The following ALOX5 variants were observed in gnomAD, a reference collection of about 807,000 sequenced individuals.
ALOX5 encodes polyunsaturated fatty acid 5-lipoxygenase.
In ALOX5, 64 loss-of-function variants were observed where a neutral mutation model predicts 87.9. That is an observed-to-expected ratio of 0.73 (90% CI 0.60 to 0.90). The LOEUF (loss-of-function observed/expected upper bound fraction) is 0.90, where lower values mean the gene tolerates loss of function less well. ALOX5 is among the 40% of genes least tolerant of loss of function. ALOX5 has a pLI of 0.00. For missense variants in ALOX5, 822 were observed against 907.5 expected (o/e 0.91, Z 1.21); for synonymous variants, 388 against 355.1 (o/e 1.09, Z -1.04).
chr10:45,391,884 AGCCGCCCCTTCT>A (rs879518336), intron 2 of ALOX5, among the ~76,000 whole-genome samples: 18,275 of 140,480 alleles, frequency 0.13, 1,501 homozygotes, highest in Non-Finnish European at 0.17. Context: ...TCCGCCCGGC[AGCCGCCCCTTCT>A]GAGAAGTGAG....
intron 2 of ALOX5, among the ~76,000 whole-genome samples, chr10:45,389,269 G>A (rs1840115459): frequency 6.6e-6 from 1 of 152,216 alleles, no homozygotes; most frequent in East Asian, 1.9e-4. Flanking sequence ...AAAACACTCT[G>A]CAGGATATTA....
intron 3 of ALOX5, among the ~76,000 whole-genome samples, chr10:45,399,031 T>G (rs1333560458): frequency 6.6e-6 from 1 of 152,220 alleles, no homozygotes; most frequent in Non-Finnish European, 1.5e-5. Context: ...GCATGACCTG[T>G]AACTATCAAA....
intron 2 of ALOX5, among the ~76,000 whole-genome samples, chr10:45,383,444 C>T (rs74128481): frequency 1.3e-5 from 2 of 152,212 alleles, no homozygotes; most frequent in African/African-American, 2.4e-5. Flanking sequence ...TACCTCACTT[C>T]GAGTCATAAC....
At chr10:45,439,350 A>G (rs1406046063) in intron 7 of ALOX5, among the ~76,000 whole-genome samples, 2 of 152,182 alleles carry the variant, frequency 1.3e-5, no homozygotes, top group East Asian at 1.9e-4. Flanking sequence ...CTCCCCAGCC[A>G]TGACCACTGT....
At chr10:45,387,174 C>G (rs1423498062) in intron 2 of ALOX5, among the ~76,000 whole-genome samples, 1 of 152,208 alleles carries the variant, frequency 6.6e-6, no homozygotes, top group African/African-American at 2.4e-5. Flanking sequence ...AACTCTTGGT[C>G]ACACAGCTTC....
chr10:45,419,717 C>G (rs1841434740), intron 4 of ALOX5, among the ~76,000 whole-genome samples: 2 of 152,246 alleles, frequency 1.3e-5, no homozygotes, highest in South Asian at 4.1e-4. Context: ...CCCGCCTGGG[C>G]GGCAGAGTGA....
intron 1 of ALOX5, among the ~76,000 whole-genome samples, chr10:45,376,979 C>G (rs1374597688): frequency 6.6e-6 from 1 of 152,198 alleles, no homozygotes; most frequent in East Asian, 1.9e-4. Flanking sequence ...ATTTCTTTAA[C>G]TCTGTAAATT....
intron 11 of ALOX5, 60 bp downstream of exon 11, chr10:45,443,597 C>A (rs1842322036): frequency 6.3e-7 from 1 of 1,596,970 alleles, no homozygotes. Flanking sequence ...GCTGGCCCCT[C>A]CGCCACCCCT....
At chr10:45,416,839 TAGTG>T (rs993744827) in intron 4 of ALOX5, among the ~76,000 whole-genome samples, 12 of 145,630 alleles carry the variant, frequency 8.2e-5, no homozygotes, top group Admixed American at 1.3e-4. Flanking sequence ...GGATGACAGA[TAGTG>T]AGATGGATGG....
chr10:45,403,897 A>ACC (rs1374538111), intron 3 of ALOX5, among the ~76,000 whole-genome samples: 26 of 152,104 alleles, frequency 1.7e-4, no homozygotes, highest in African/African-American at 6.0e-4. Flanking sequence ...TGTTTCAGAC[A>ACC]CCTATGGCAA....
intron 4 of ALOX5, among the ~76,000 whole-genome samples, chr10:45,420,966 G>A (rs998639426): frequency 6.6e-6 from 1 of 152,244 alleles, no homozygotes; most frequent in African/African-American, 2.4e-5. Context: ...CCAACAGCTG[G>A]TGCCCAGCCT....
At chr10:45,443,279 G>A in intron 10 of ALOX5, 63 bp downstream of exon 10, 1 of 1,587,742 alleles carries the variant, frequency 6.3e-7, no homozygotes, top group East Asian at 2.2e-5. Flanking sequence ...ACTACCTGGG[G>A]CGGGCCTGGC....
chr10:45,412,346 G>C lies in ALOX5; in HGVS notation c.554+33G>C, dbSNP rs551997771. On this transcript the variant is annotated intron_variant, in intron 4 of 13. Transcript: ENST00000374391. Reference sequence around the variant, plus strand: ...TACGAGAACTGAGGGACTCTGGGCAGCCCCTCCAGTGGCTGGTGCTGGGGG... The same window carrying C: ...TACGAGAACTGAGGGACTCTGGGCACCCCCTCCAGTGGCTGGTGCTGGGGG... 8 of 1,612,018 alleles carry C rather than the reference G, an allele frequency of 5.0e-6. No homozygotes were observed. In the African/African-American group the frequency reaches 8.0e-5, roughly 16 times the overall value.
intron 13 of ALOX5, chr10:45,444,524 AG>A (rs1842371118): frequency 4.0e-6 from 2 of 495,362 alleles, no homozygotes; most frequent in Non-Finnish European, 6.9e-6. Context: ...CACTGTCACC[AG>A]AGGGTCGTGT....
intron 7 of ALOX5, among the ~76,000 whole-genome samples, chr10:45,431,427 G>T (rs991627093): frequency 6.6e-6 from 1 of 151,726 alleles, no homozygotes; most frequent in East Asian, 1.9e-4. Flanking sequence ...TTTTTTAAAA[G>T]CTACTAGATT....
At chr10:45,388,277 G>A (rs138378816) in intron 2 of ALOX5, among the ~76,000 whole-genome samples, 3,470 of 152,296 alleles carry the variant, frequency 0.023, 127 homozygotes, top group African/African-American at 0.078. Context: ...GGTCATAGCC[G>A]AACAAAAGGC....
chr10:45,433,722 T>C (rs1410353984), intron 7 of ALOX5, among the ~76,000 whole-genome samples: 2 of 152,194 alleles, frequency 1.3e-5, no homozygotes, highest in African/African-American at 4.8e-5. Context: ...TGTTTTGAAA[T>C]TGGTTAAGGA....
At chr10:45,385,696 G>T (rs1434564038) in intron 2 of ALOX5, among the ~76,000 whole-genome samples, 1 of 152,154 alleles carries the variant, frequency 6.6e-6, no homozygotes, top group Admixed American at 6.5e-5. Context: ...AACAGTTATT[G>T]TCACCATTAA....
intron 4 of ALOX5, among the ~76,000 whole-genome samples, chr10:45,419,304 C>T (rs903708427): frequency 7.3e-6 from 1 of 137,608 alleles, no homozygotes; most frequent in Non-Finnish European, 1.6e-5. Flanking sequence ...GGGCACCCGG[C>T]CGGGGGGGTC....
Sources: gnomAD v4.1 joint callset for allele counts (sites outside exome capture counted in the v4.1 genomes callset) on GRCh38, gnomAD v4.1.1 for gene constraint, MANE v1.5 for transcripts, NCBI Gene and HGNC (gene_info 2026-07-23, HGNC 2026-07-21) for gene names.